The following MZB1 variants were observed in gnomAD, a reference collection of about 807,000 sequenced individuals.
MZB1 encodes marginal zone B and B1 cell specific protein, also known as marginal zone B- and B1-cell-specific protein.
A neutral mutation model predicts 17.2 loss-of-function variants in MZB1; 10 were observed. That is an observed-to-expected ratio of 0.58 (90% CI 0.36 to 0.98). The LOEUF (loss-of-function observed/expected upper bound fraction) is 0.98. Among genes scored for constraint, MZB1 ranks in the 50% least tolerant of loss-of-function variants. The pLI is 0.01. For missense variants in MZB1, 246 were observed against 237.5 expected, an observed-to-expected ratio of 1.04 and a Z score of -0.23; for synonymous variants, 99 against 98.7, an observed-to-expected ratio of 1.00 and a Z score of -0.02.
At position 139,387,912 on chromosome 5, in the gene MZB1, C is replaced by G; in HGVS notation, c.423G>C (p.Arg141Ser). 6.3e-7 allele frequency: 1 copy of G among 1,580,188 alleles called. No homozygotes were observed. Among genetic ancestry groups the G allele is most frequent in the Non-Finnish European group, 8.6e-7 (1 of 1,166,958 alleles). ...TGGPWPTRLS[R>S]TCLHYLGEFG... ...ACTCCCCCAAGTAGTGCAAACATGT[C>G]CTGGAGAGCCTAGGGGAGCCCAGCA... Residue 141 changes from arginine to serine, a missense_variant, in exon 4 of 4, where the codon AGG (arginine) becomes AGC (serine). By Grantham distance (110) the Arg-to-Ser change is moderately radical. Transcript: ENST00000302125.
At chr5:139,389,489 C>A in intron 1 of MZB1, 191 bp downstream of exon 1, 1 of 760,702 alleles carries the variant, frequency 1.3e-6, no homozygotes, top group South Asian at 1.5e-5. Flanking sequence ...GGAGGTCTCC[C>A]AGATTGTCTG....
At position 139,388,134 on chromosome 5, in the gene MZB1, G is replaced by T; in HGVS notation, c.303-3C>A. ...GGTCCACTTCTCGAACTCCGTAGCT[G>T]GTGGCAGTGGAGAGGAGAGGAGTAC... On this transcript the variant is annotated splice_region_variant and splice_polypyrimidine_tract_variant and intron_variant, in intron 2 of 3. Coordinates refer to ENST00000302125, the MANE Select transcript of MZB1 (RefSeq NM_016459.4). 1 of 1,550,072 alleles carries T rather than the reference G, an allele frequency of 6.5e-7. No homozygotes were observed. The highest frequency in any genetic ancestry group is 8.7e-7 in the Non-Finnish European group (1 of 1,146,800).
Position 139,389,774 on chromosome 5 carries a change from G to T in MZB1, c.83C>A (p.Thr28Lys). The T allele has an allele frequency of 6.4e-7, 1 of 1,554,328 alleles. No individual in the cohort carries two copies. Among genetic ancestry groups the T allele is most frequent in the Non-Finnish European group, 8.7e-7 (1 of 1,148,832 alleles). ...ATCATCCAGTTGTGGGGCTGTGGCT[G>T]TGAGTGGCGCCCTGTCCCCGAGGCC... is the stretch of plus-strand genomic sequence containing the variant. ...PGGLGDRAPL[T>K]ATAPQLDDEE... Residue 28 changes from threonine to lysine, a missense_variant, in exon 1 of 4, where the codon ACA becomes AAA. Transcript: ENST00000302125.
intron 1 of MZB1, chr5:139,389,322 C>T (rs989747182): frequency 8.3e-5 from 41 of 494,160 alleles, no homozygotes; most frequent in Non-Finnish European, 1.5e-4. Flanking sequence ...CACACGCATA[C>T]TCACGTGCAG....
At position 139,387,654 on chromosome 5, in the gene MZB1, C is replaced by G. The variant is rs1758536996; in HGVS notation, c.*111G>C. ...GTGCCCTGAGGCTGGAGGAGGGAGG[C>G]AGGATGGCAGCACAGAGCAAGGGCT... On this transcript the variant is annotated 3_prime_UTR_variant, in exon 4 of 4. Coordinates refer to ENST00000302125, the MANE Select transcript of MZB1 (RefSeq NM_016459.4). 4.3e-5 allele frequency: 57 copies of G among 1,340,702 alleles called. No individual in the cohort carries two copies. Among genetic ancestry groups the G allele is most frequent in the Non-Finnish European group, 5.5e-5 (56 of 1,023,340 alleles). The allele number at this position is 1,340,702 out of a possible 1,614,324, so 83.1% of individuals were successfully genotyped here.
chr5:139,388,330 T>C lies in MZB1; in HGVS notation c.302+131A>G, dbSNP rs545094152. On this transcript the variant is annotated intron_variant, in intron 2 of 3. Coordinates refer to ENST00000302125, the MANE Select transcript of MZB1 (RefSeq NM_016459.4). The stretch of plus-strand genomic sequence containing the variant: ...TCTCAGCTCCAGAGCCCAGACTTCA[T>C]CCCAGCCAGCCCCTCCCTTGGACCA... The C allele has an allele frequency of 3.1e-4, 365 of 1,186,570 alleles. 2 individuals carry two copies. In the East Asian group the frequency reaches 8.5e-3, roughly 28 times the overall value. The allele number at this position is 1,186,570 out of a possible 1,614,324, so 73.5% of individuals were successfully genotyped here.
At position 139,388,501 on chromosome 5, in the gene MZB1, T is replaced by G. The variant is rs752316902; in HGVS notation, c.262A>C (p.Thr88Pro). The G allele has an allele frequency of 6.2e-7, 1 of 1,605,934 alleles. No individual in the cohort carries two copies. The highest frequency in any genetic ancestry group is 1.1e-5 in the South Asian group (1 of 89,290). ...GAGCAGCTCCGGTCCAGGACATCCGTGTAGACCAACTCGCTCAGCTCCCGC... is the reference window on the plus strand; with the variant it reads ...GAGCAGCTCCGGTCCAGGACATCCGGGTAGACCAACTCGCTCAGCTCCCGC... ...GRRELSELVY[T>P]DVLDRSCSRN... Residue 88 changes from threonine (T) to proline (P), a missense_variant, in exon 2 of 4, where the codon ACG becomes CCG. By Grantham distance (38) the Thr-to-Pro change is conservative. Coordinates refer to ENST00000302125, the MANE Select transcript of MZB1 (RefSeq NM_016459.4).
chr5:139,388,654 T>C (rs2152075921), intron 1 of MZB1, 69 bp from the exon 2 acceptor site: 1 of 1,568,716 alleles, frequency 6.4e-7, no homozygotes, highest in Non-Finnish European at 8.6e-7. Flanking sequence ...GTGGGGAGGA[T>C]AGGAGCAGAG....
At chr5:139,388,770 G>C in intron 1 of MZB1, 185 bp from the exon 2 acceptor site, 1 of 947,662 alleles carries the variant, frequency 1.1e-6, no homozygotes, top group Non-Finnish European at 1.5e-6. Context: ...GGATGGGGAT[G>C]GGGGATGGGA....
In MZB1 at chr5:139,387,936, C is replaced by A; in HGVS notation, c.414-15G>T. 1 of 1,574,742 alleles carries A rather than the reference C, an allele frequency of 6.4e-7. No homozygotes were observed. On this transcript the variant is annotated splice_polypyrimidine_tract_variant and intron_variant, in intron 3 of 3. Transcript: ENST00000302125. Reference sequence around the variant, plus strand: ...TCCTGGAGAGCCTAGGGGAGCCCAGCAGGAGCCTCAGATGCTGCCCAGCCC... The same window carrying A: ...TCCTGGAGAGCCTAGGGGAGCCCAGAAGGAGCCTCAGATGCTGCCCAGCCC...
intron 1 of MZB1, chr5:139,388,860 T>TTCTA (rs1758559313): frequency 3.1e-6 from 1 of 324,328 alleles, no homozygotes; most frequent in African/African-American, 2.1e-5. Flanking sequence ...GCAAGTGTCA[T>TTCTA]TTTATTTTTA....
chr5:139,388,326 T>G (rs959759870), intron 2 of MZB1, 135 bp downstream of exon 2: 2 of 1,166,496 alleles, frequency 1.7e-6, no homozygotes, highest in Admixed American at 5.0e-5. Context: ...GAGCCCAGAC[T>G]TCATCCCAGC....
At position 139,387,925 on chromosome 5, in the gene MZB1, G is replaced by T; in HGVS notation, c.414-4C>A. The T allele has an allele frequency of 6.3e-7, 1 of 1,576,394 alleles. No homozygotes were observed. The highest frequency in any genetic ancestry group is 2.2e-5 in the East Asian group (1 of 44,704). ...GTGCAAACATGTCCTGGAGAGCCTAGGGGAGCCCAGCAGGAGCCTCAGATG... is the reference window on the plus strand; with the variant it reads ...GTGCAAACATGTCCTGGAGAGCCTATGGGAGCCCAGCAGGAGCCTCAGATG... On this transcript the variant is annotated splice_region_variant and splice_polypyrimidine_tract_variant and intron_variant, in intron 3 of 3. Transcript: ENST00000302125.
chr5:139,389,697 T>C lies in MZB1; in HGVS notation c.160A>G (p.Arg54Gly). Residue 54 changes from arginine (R) to glycine (G), a missense_variant, in exon 1 of 4, where the codon AGA becomes GGA. Transcript: ENST00000302125. The stretch of plus-strand genomic sequence containing the variant: ...GGACTCACCTGGTAAGCCACAGCTC[T>C]GCAGGCATCACAGCGCAGGTGAGCG... ...MPAHLRCDAC[R>G]AVAYQMWQNL... The C allele has an allele frequency of 1.3e-6, 2 of 1,588,758 alleles. No individual in the cohort carries two copies. Among genetic ancestry groups the C allele is most frequent in the Non-Finnish European group, 1.7e-6 (2 of 1,167,888 alleles).
Position 139,388,654 on chromosome 5 carries a change from T to TAGGAG in MZB1, c.178-74_178-70dup, listed in dbSNP as rs780350852. The TAGGAG allele has an allele frequency of 1.9e-6, 3 of 1,568,716 alleles. No individual in the cohort carries two copies. In the South Asian group the frequency reaches 3.5e-5, roughly 18 times the overall value. On this transcript the variant is annotated intron_variant, in intron 1 of 3. Coordinates refer to ENST00000302125, the MANE Select transcript of MZB1 (RefSeq NM_016459.4). ...CTCAGTTAGGGGGAGGTGGGGAGGA[T>TAGGAG]AGGAGCAGAGTCTCTGGGGAAAATA...
chr5:139,388,185 A>T, intron 2 of MZB1, 54 bp from the exon 3 acceptor site: 1 of 1,480,130 alleles, frequency 6.8e-7, no homozygotes, highest in Non-Finnish European at 9.2e-7. Flanking sequence ...CCAGCCAGGG[A>T]GAGACCCATC....
chr5:139,388,795 T>C, intron 1 of MZB1: 1 of 750,832 alleles, frequency 1.3e-6, no homozygotes, highest in Non-Finnish European at 2.0e-6. Flanking sequence ...AATGCTGAAG[T>C]GGTAGGTGAG....
Position 139,387,778 on chromosome 5 carries a change from CT to C in MZB1, c.556del (p.Arg186GlufsTer91), listed in dbSNP as rs1164315276. 1.9e-6 allele frequency: 3 copies of C among 1,547,278 alleles called. No homozygotes were observed. Among genetic ancestry groups the C allele is most frequent in the Non-Finnish European group, 2.6e-6 (3 of 1,155,248 alleles). On this transcript the variant is annotated frameshift_variant, in exon 4 of 4. Transcript: ENST00000302125. LOFTEE classifies it high-confidence loss of function. ...GACSEKVSAT[R>X]EEL ...TAGAGTCCAGGACTAGAGCTCTTCT[CT>C]TGTGGCTGACACCTTCTCTGAGCAG...
rs980443440 is a variant in MZB1 at position 139,387,678 on chromosome 5, C to G, written c.*87G>C. 1 of 1,453,188 alleles carries G rather than the reference C, an allele frequency of 6.9e-7. No individual in the cohort carries two copies. Among genetic ancestry groups the G allele is most frequent in the Admixed American group, 2.7e-5 (1 of 37,200 alleles). The allele number at this position is 1,453,188 out of a possible 1,614,324, so 90.0% of individuals were successfully genotyped here. A position where few individuals can be genotyped will look rare whatever the true frequency, so the allele number is the denominator to read the frequency against. On this transcript the variant is annotated 3_prime_UTR_variant, in exon 4 of 4. Coordinates refer to ENST00000302125, the MANE Select transcript of MZB1 (RefSeq NM_016459.4). ...GCAGGATGGCAGCACAGAGCAAGGG[C>G]TTCCTGCCCTCCTGGCTGCCTGCAG...
Sources: allele counts gnomAD v4.1 joint callset, GRCh38; gene constraint gnomAD v4.1.1; transcripts MANE v1.5; gene names NCBI Gene and HGNC (gene_info 2026-07-23, HGNC 2026-07-21).